Variants in AFMID observed in about 807,000 individuals in gnomAD.
AFMID encodes the protein kynurenine formamidase.
AFMID carries 39 observed loss-of-function variants against 47.5 expected under a neutral mutation model. The ratio of observed to expected loss-of-function variants is 0.82; its 90% CI spans 0.64 to 1.07. The LOEUF is 1.07. AFMID is among the 50% of genes least tolerant of loss of function. The pLI, the probability that AFMID is intolerant of heterozygous loss-of-function variation, is 0.00. For synonymous variants in AFMID, 130 were observed against 153.2 expected (o/e 0.85, Z 1.12); for missense variants, 375 against 387.5 (o/e 0.97, Z 0.27).
intron 2 of AFMID, among the ~76,000 whole-genome samples, chr17:78,196,894 T>G (rs888198648): frequency 6.6e-6 from 1 of 152,190 alleles, no homozygotes; most frequent in African/African-American, 2.4e-5. Flanking sequence ...GCCCTGGGGT[T>G]CAGGGACTGG....
chr17:78,190,043 G>C (rs548038142), intron 1 of AFMID, among the ~76,000 whole-genome samples: 1 of 147,362 alleles, frequency 6.8e-6, no homozygotes, highest in South Asian at 2.1e-4. Context: ...TGTTGGTCAG[G>C]CTGATCTTGA....
chr17:78,199,558 A>G (rs545655141), intron 2 of AFMID, among the ~76,000 whole-genome samples: 2 of 151,876 alleles, frequency 1.3e-5, no homozygotes, highest in South Asian at 4.2e-4. Context: ...TATTTTTAGT[A>G]GAGATGGGGT....
chr17:78,192,974 G>C (rs73377451), intron 2 of AFMID, among the ~76,000 whole-genome samples: 2,279 of 152,244 alleles, frequency 0.015, 65 homozygotes, highest in African/African-American at 0.052. Context: ...AATAGATTGG[G>C]GGGGAGCTGT....
chr17:78,199,006 C>T (rs1436425830), intron 2 of AFMID, among the ~76,000 whole-genome samples: 1 of 152,188 alleles, frequency 6.6e-6, no homozygotes, highest in African/African-American at 2.4e-5. Context: ...GCCAGTTTCA[C>T]TTAGTATTTC....
chr17:78,198,940 A>G (rs1052059912), intron 2 of AFMID, among the ~76,000 whole-genome samples: 2 of 152,198 alleles, frequency 1.3e-5, no homozygotes, highest in Non-Finnish European at 2.9e-5. Context: ...TCATATGGAT[A>G]TAGACTCCCC....
rs774544979 is a variant in AFMID, at chr17:78,187,370, C to T, written c.-1C>T. 6.2e-7 allele frequency: 1 copy of T among 1,613,830 alleles called. No homozygotes were observed. Among genetic ancestry groups the T allele is most frequent in the East Asian group, 2.2e-5 (1 of 44,742 alleles). On this transcript the variant is annotated 5_prime_UTR_variant, in exon 1 of 11. Transcript: ENST00000409257. ...CGCACGCCCATGCGGCTGTAGACGC[C>T]ATGATGGATGTGTCTGGTGTGGGTT...
chr17:78,197,071 G>T, intron 2 of AFMID: 2 of 1,305,584 alleles, frequency 1.5e-6, no homozygotes, highest in Non-Finnish European at 2.2e-6. Context: ...GGTTTTAATG[G>T]CCATTCCACT....
At chr17:78,192,659 A>G (rs1259167579) in intron 2 of AFMID, 1 of 471,042 alleles carries the variant, frequency 2.1e-6, no homozygotes, top group Non-Finnish European at 4.4e-6. Context: ...GGGAACCTGT[A>G]AACTAGTGAA....
intron 2 of AFMID, among the ~76,000 whole-genome samples, chr17:78,194,751 A>G (rs1043197298): frequency 1.3e-5 from 2 of 151,788 alleles, no homozygotes; most frequent in Non-Finnish European, 1.5e-5. Context: ...TTGGAGTGCA[A>G]TGGCGCAATC....
intron 2 of AFMID, among the ~76,000 whole-genome samples, chr17:78,194,372 G>A (rs1308856591): frequency 2.0e-5 from 3 of 152,090 alleles, no homozygotes; most frequent in African/African-American, 7.2e-5. Context: ...TGATCTGCTC[G>A]CCTCCCAAAG....
chr17:78,200,874 G>A (rs1225073874), intron 2 of AFMID, among the ~76,000 whole-genome samples: 4 of 152,156 alleles, frequency 2.6e-5, no homozygotes, highest in Non-Finnish European at 5.9e-5. Context: ...AAGATGACTA[G>A]ACCAGGTTCC....
chr17:78,189,794 A>G (rs1328753912), intron 1 of AFMID, among the ~76,000 whole-genome samples: 1 of 150,084 alleles, frequency 6.7e-6, no homozygotes, highest in Admixed American at 6.7e-5. Context: ...TGCTGGGATT[A>G]CAGGCGAGAG....
chr17:78,205,820 A>G, intron 9 of AFMID, 82 bp downstream of exon 9: 1 of 1,597,986 alleles, frequency 6.3e-7, no homozygotes, highest in Non-Finnish European at 8.5e-7. Context: ...CCAAGTGGAC[A>G]AGACCCTCCA....
Position 78,205,698 on chromosome 17 carries a change from A to G in AFMID, c.740A>G (p.Asp247Gly). 1 of 1,610,356 alleles carries G rather than the reference A, an allele frequency of 6.2e-7. No homozygotes were observed. Among genetic ancestry groups the G allele is most frequent in the South Asian group, 1.1e-5 (1 of 90,976 alleles). Reference protein sequence around the residue: ...CRVLVVVGQFDSPEFHRQSWE... With the variant: ...CRVLVVVGQFGSPEFHRQSWE... ...GTGCTGGTGGTCGTGGGCCAGTTCGACTCCCCCGAATTCCACCGACAGTCC... is the reference window on the plus strand; with the variant it reads ...GTGCTGGTGGTCGTGGGCCAGTTCGGCTCCCCCGAATTCCACCGACAGTCC... The change falls in exon 9 of 11, where the codon GAC becomes GGC. Residue 247 changes from aspartate (D) to glycine (G), a missense_variant. Physicochemically the swap from Asp to Gly is moderately conservative, Grantham distance 94. Transcript: ENST00000409257.
At chr17:78,189,283 T>C (rs1404611400) in intron 1 of AFMID, among the ~76,000 whole-genome samples, 1 of 146,334 alleles carries the variant, frequency 6.8e-6, no homozygotes, top group African/African-American at 2.5e-5. Context: ...AGTGCAATGG[T>C]GGGATCTCAG....
chr17:78,194,398 C>T (rs1252677665), intron 2 of AFMID, among the ~76,000 whole-genome samples: 4 of 152,102 alleles, frequency 2.6e-5, no homozygotes, highest in South Asian at 2.1e-4. Context: ...GGATTATAGG[C>T]GTGAGCCACA....
chr17:78,190,706 T>C, intron 1 of AFMID: 1 of 404,242 alleles, frequency 2.5e-6, no homozygotes, highest in Non-Finnish European at 4.5e-6. Flanking sequence ...CCCCTGGTCG[T>C]AACTGCTGTG....
In AFMID at chr17:78,204,734, C is replaced by G. The variant is rs1259892412; in HGVS notation, c.387C>G (p.Ala129=). 1 of 1,614,174 alleles carries G rather than the reference C, an allele frequency of 6.2e-7. No individual in the cohort carries two copies. The highest frequency in any genetic ancestry group is 8.5e-7 in the Non-Finnish European group (1 of 1,180,042). Residue 129 remains alanine (A), a synonymous_variant, in exon 5 of 11, where the codon GCC becomes GCG. Transcript: ENST00000409257. ...VAVVIVAYGI[A]PKGTLDHMVD... ...TGGTAATAGTGGCTTACGGCATCGC[C>G]CCCAAAGGTAATAGGAGTGGTTGCT... is the stretch of plus-strand genomic sequence containing the variant.
In AFMID at chr17:78,196,089, C is replaced by T. The variant is rs1469971997; in HGVS notation, c.154+5029C>T. 1.2e-4 allele frequency among the ~76,000 whole-genome samples: 19 copies of T among 152,312 alleles called. No individual in the cohort carries two copies. The South Asian group carries it at 3.7e-3, about 30-fold the overall frequency. ...GAAATTATTTCTAACCCAGGCTGGGCTCCATGGCTCATCCCTGTAATCCCA... is the reference window on the plus strand; with the variant it reads ...GAAATTATTTCTAACCCAGGCTGGGTTCCATGGCTCATCCCTGTAATCCCA... On this transcript the variant is annotated intron_variant, in intron 2 of 10. Coordinates refer to ENST00000409257, the MANE Select transcript of AFMID (RefSeq NM_001010982.5).
Sources: gnomAD v4.1 joint callset for allele counts (sites outside exome capture counted in the v4.1 genomes callset) on GRCh38, gnomAD v4.1.1 for gene constraint, MANE v1.5 for transcripts, NCBI Gene and HGNC (gene_info 2026-07-23, HGNC 2026-07-21) for gene names.